The following LYRM1 variants were observed in gnomAD, a reference collection of about 807,000 sequenced individuals.
LYRM1 encodes the protein LYR motif-containing protein 1.
A neutral mutation model predicts 14.9 loss-of-function variants in LYRM1; 14 were observed. That is an observed-to-expected ratio of 0.94 (90% CI 0.62 to 1.47). LYRM1 has a LOEUF of 1.47. Ranked by LOEUF, LYRM1 falls within the 40% of genes most tolerant of loss-of-function variation. The pLI is 0.00. For missense variants in LYRM1, 153 were observed against 149.9 expected, an observed-to-expected ratio of 1.02 and a Z score of -0.11; for synonymous variants, 43 against 56.2, an observed-to-expected ratio of 0.77 and a Z score of 1.05.
At position 20,923,999 on chromosome 16, in the gene LYRM1, G is replaced by C. The variant is rs141433219; in HGVS notation, c.253-1G>C. On this transcript the variant is annotated splice_acceptor_variant, in intron 3 of 3. Coordinates refer to ENST00000567954, the MANE Select transcript of LYRM1 (RefSeq NM_001128302.3). LOFTEE classifies it high-confidence loss of function. Reference sequence around the variant, plus strand: ...TTCTTCATATTATTGTTCTTATTCAGATTCATCTGCCTCCAATGGGCCTTA... The same window carrying C: ...TTCTTCATATTATTGTTCTTATTCACATTCATCTGCCTCCAATGGGCCTTA... 3.9e-6 allele frequency: 6 copies of C among 1,541,004 alleles called. No individual in the cohort carries two copies. The African/African-American group carries it at 8.2e-5, about 21-fold the overall frequency.
At position 20,906,607 on chromosome 16, in the gene LYRM1, T is replaced by C. The variant is rs537091590; in HGVS notation, c.-1+5718T>C. 1.5e-3 allele frequency among the ~76,000 whole-genome samples: 232 copies of C among 152,332 alleles called. 2 individuals are homozygous for C. The highest frequency in any genetic ancestry group is 1.5e-4 in the Non-Finnish European group (10 of 68,016). On this transcript the variant is annotated intron_variant, in intron 1 of 3. Transcript: ENST00000567954. ...TATTTGTACTGCAACACATTTTCTT[T>C]AGAAGGCAAAGCCTCATGAGAGTCC...
At chr16:20,902,096 G>A (rs1273891284) in intron 1 of LYRM1, among the ~76,000 whole-genome samples, 1 of 152,208 alleles carries the variant, frequency 6.6e-6, no homozygotes, top group African/African-American at 2.4e-5. Flanking sequence ...GGGCAACGGA[G>A]TGAGACTCCG....
At chr16:20,918,484 AAG>A (rs1311793471) in intron 2 of LYRM1, among the ~76,000 whole-genome samples, 16 of 152,280 alleles carry the variant, frequency 1.1e-4, no homozygotes, top group African/African-American at 3.8e-4. Flanking sequence ...GCTATTGCTT[AAG>A]AGAGTCCATT....
At position 20,924,068 on chromosome 16, in the gene LYRM1, G is replaced by A. The variant is rs2083344919; in HGVS notation, c.321G>A (p.Arg107=). ...GRGLRSQEKL[R]KLSKPVYLRS... ...GACTTCGAAGCCAAGAGAAACTGAG[G>A]AAACTTTCCAAACCAGTATATCTCA... The change falls in exon 4 of 4, where the codon AGG becomes AGA. Residue 107 remains arginine (R), a synonymous_variant. Transcript: ENST00000567954. 6.2e-7 allele frequency: 1 copy of A among 1,613,518 alleles called. No individual in the cohort carries two copies. The highest frequency in any genetic ancestry group is 8.5e-7 in the Non-Finnish European group (1 of 1,179,606).
chr16:20,916,093 C>G (rs1246121033), intron 2 of LYRM1, among the ~76,000 whole-genome samples: 2 of 117,314 alleles, frequency 1.7e-5, no homozygotes, highest in African/African-American at 5.9e-5. Context: ...TTTTTTTTTT[C>G]AATTCATAAA....
chr16:20,920,393 A>G (rs775378982), intron 3 of LYRM1, 179 bp downstream of exon 3: 24 of 618,572 alleles, frequency 3.9e-5, no homozygotes, highest in Non-Finnish European at 7.0e-5. Flanking sequence ...TAAAATGTCA[A>G]TGAATGCATG....
Position 20,900,835 on chromosome 16 carries a change from A to T in LYRM1, c.-55A>T, listed in dbSNP as rs772281840. ...TGGGCTCCTGGCGCCGCCTCCTCCC[A>T]GCCCGCCGCGGGCTGCGCGCTTCTG... On this transcript the variant is annotated 5_prime_UTR_variant, in exon 1 of 4. Transcript: ENST00000567954. 6.5e-6 allele frequency: 1 copy of T among 153,210 alleles called. No homozygotes were observed. Among genetic ancestry groups the T allele is most frequent in the African/African-American group, 2.4e-5 (1 of 41,380 alleles). The allele number at this position is 153,210 out of a possible 1,614,324, so 9.5% of individuals were successfully genotyped here.
rs574976314 is a variant in LYRM1, at chr16:20,923,938, A to C, written c.253-62A>C. 154 of 884,282 alleles carry C rather than the reference A, an allele frequency of 1.7e-4. 1 individual carries two copies. The Admixed American group carries it at 2.1e-3, about 12-fold the overall frequency. 54.8% of individuals were successfully genotyped at this position (884,282 alleles called of 1,614,324 possible). A position where few individuals can be genotyped will look rare whatever the true frequency, so the allele number is the denominator to read the frequency against. On this transcript the variant is annotated intron_variant, in intron 3 of 3. Coordinates refer to ENST00000567954, the MANE Select transcript of LYRM1 (RefSeq NM_001128302.3). ...TATGGTACTTTCTGAGTAGATCCTC[A>C]GTGAATATGAGCTGCTGCAATGATG...
Position 20,924,014 on chromosome 16 carries a change from A to T in LYRM1, c.267A>T (p.Pro89=). 1 of 1,601,534 alleles carries T rather than the reference A, an allele frequency of 6.2e-7. No individual in the cohort carries two copies. Among genetic ancestry groups the T allele is most frequent in the Non-Finnish European group, 8.5e-7 (1 of 1,171,534 alleles). The change falls in exon 4 of 4, where the codon CCA becomes CCT. Residue 89 remains proline, a synonymous_variant. Transcript: ENST00000567954. ...IPYPRPIHLP[P]MGLTPLRGRG... is the part of the protein sequence containing the mutation. ...TTCTTATTCAGATTCATCTGCCTCC[A>T]ATGGGCCTTACCCCACTCCGAGGCC...
chr16:20,912,171 A>G (rs2082625352), intron 1 of LYRM1, among the ~76,000 whole-genome samples: 1 of 151,788 alleles, frequency 6.6e-6, no homozygotes, highest in Non-Finnish European at 1.5e-5. Context: ...CAAACTCCAG[A>G]GCTTAAGTGA....
intron 2 of LYRM1, among the ~76,000 whole-genome samples, chr16:20,919,522 T>C (rs1308156620): frequency 2.0e-5 from 3 of 152,252 alleles, no homozygotes; most frequent in Non-Finnish European, 4.4e-5. Flanking sequence ...TAGATACATA[T>C]GCATGTAAGC....
chr16:20,902,357 A>T (rs1029387684), intron 1 of LYRM1: 2 of 152,270 alleles, frequency 1.3e-5, no homozygotes, highest in Non-Finnish European at 2.9e-5. Flanking sequence ...AGTTAGATAT[A>T]CAAGTCGGGG....
chr16:20,922,781 C>T (rs1435079874), intron 3 of LYRM1, among the ~76,000 whole-genome samples: 4 of 152,148 alleles, frequency 2.6e-5, no homozygotes, highest in Non-Finnish European at 5.9e-5. Flanking sequence ...AGCCACTGTG[C>T]CCGGCTGAAA....
At chr16:20,911,459 A>G (rs2082588352) in intron 1 of LYRM1, among the ~76,000 whole-genome samples, 1 of 152,128 alleles carries the variant, frequency 6.6e-6, no homozygotes, top group Non-Finnish European at 1.5e-5. Context: ...TTGAAAATGG[A>G]TCATGTTCCC....
chr16:20,910,761 G>A (rs1027947350), intron 1 of LYRM1, among the ~76,000 whole-genome samples: 4 of 152,008 alleles, frequency 2.6e-5, no homozygotes, highest in African/African-American at 9.6e-5. Flanking sequence ...GTGACAGAGC[G>A]AGACCCTGCC....
chr16:20,912,539 G>A (rs1015291119), intron 1 of LYRM1, among the ~76,000 whole-genome samples: 1 of 151,940 alleles, frequency 6.6e-6, no homozygotes, highest in African/African-American at 2.4e-5. Flanking sequence ...CCAAAGTGCT[G>A]GGATTACAGG....
chr16:20,911,787 A>AG (rs903365524), intron 1 of LYRM1, among the ~76,000 whole-genome samples: 1 of 152,118 alleles, frequency 6.6e-6, no homozygotes, highest in African/African-American at 2.4e-5. Flanking sequence ...TTATAGAGAT[A>AG]GGGTCTCTTT....
At chr16:20,903,074 T>C (rs561008356) in intron 1 of LYRM1, among the ~76,000 whole-genome samples, 1 of 152,358 alleles carries the variant, frequency 6.6e-6, no homozygotes, top group East Asian at 1.9e-4. Context: ...CTCTTCTCTC[T>C]GAGCTGAAGG....
At chr16:20,923,567 C>CTAGG (rs2083315130) in intron 3 of LYRM1, among the ~76,000 whole-genome samples, 2 of 151,764 alleles carry the variant, frequency 1.3e-5, no homozygotes, top group African/African-American at 4.8e-5. Context: ...CCCTCTCTTG[C>CTAGG]TAGGCAGTTA....
Sources: allele counts gnomAD v4.1 joint callset (sites outside exome capture counted in the v4.1 genomes callset), GRCh38; gene constraint gnomAD v4.1.1; transcripts MANE v1.5; gene names NCBI Gene and HGNC (gene_info 2026-07-23, HGNC 2026-07-21).